RETREG2: variants seen among roughly 807,000 people sequenced by gnomAD.
The protein encoded by RETREG2 is reticulophagy regulator 2.
In RETREG2, 21 loss-of-function variants were observed where a neutral mutation model predicts 51.6. That is an observed-to-expected ratio of 0.41 (90% CI 0.29 to 0.59). The LOEUF (loss-of-function observed/expected upper bound fraction) is 0.59. Among genes scored for constraint, RETREG2 ranks in the 20% least tolerant of loss-of-function variants. The probability of loss-of-function intolerance (pLI) is 0.34; values close to 1 mark genes in which losing one functional copy is unlikely to be tolerated. For synonymous variants in RETREG2, 339 were observed against 288.6 expected, an observed-to-expected ratio of 1.17 and a Z score of -1.77; for missense variants, 674 against 646.0, an observed-to-expected ratio of 1.04 and a Z score of -0.47.
chr2:219,178,480 C>A lies in RETREG2; in HGVS notation c.128C>A (p.Ala43Glu). ...GCCACCAGTGAGGCAGAGGAGGAGG[C>A]GGCCACGGCCGAGGCGGTGGGACGC... The part of the protein sequence containing the change: ...SEATSEAEEE[A>E]ATAEAVGRLA... The change falls in exon 1 of 9, where the codon GCG becomes GAG. Residue 43 changes from alanine to glutamate, a missense_variant. By Grantham distance (107) the Ala-to-Glu change is moderately radical (BLOSUM62 -1). Coordinates refer to ENST00000430297, the MANE Select transcript of RETREG2 (RefSeq NM_024293.6). 1 of 1,132,436 alleles carries A rather than the reference C, an allele frequency of 8.8e-7. No homozygotes were observed. Among genetic ancestry groups the A allele is most frequent in the Non-Finnish European group, 1.2e-6 (1 of 831,058 alleles). The allele number at this position is 1,132,436 out of a possible 1,614,324, so 70.1% of individuals were successfully genotyped here. A position where few individuals can be genotyped will look rare whatever the true frequency, so the allele number is the denominator to read the frequency against.
chr2:219,181,856 C>G (rs571370933), intron 8 of RETREG2, 81 bp downstream of exon 8: 2 of 1,572,904 alleles, frequency 1.3e-6, no homozygotes, highest in Admixed American at 3.6e-5. Context: ...GCTCTCTGGC[C>G]CACTCACTCT....
In RETREG2 at chr2:219,184,525, C is replaced by G. The variant is rs956457559; in HGVS notation, c.*1896C>G. The G allele has an allele frequency of 6.6e-6, 1 of 152,138 alleles. No individual in the cohort carries two copies. The highest frequency in any genetic ancestry group is 6.6e-5 in the Admixed American group (1 of 15,264). The allele number at this position is 152,138 out of a possible 1,614,324, so 9.4% of individuals were successfully genotyped here. A position where few individuals can be genotyped will look rare whatever the true frequency, so the allele number is the denominator to read the frequency against. ...GCTTCACATTTGACTGAGAATCATTCTAGGGTTTGATTGAGCCCCTGTCCT... is the reference window on the plus strand; with the variant it reads ...GCTTCACATTTGACTGAGAATCATTGTAGGGTTTGATTGAGCCCCTGTCCT... On this transcript the variant is annotated 3_prime_UTR_variant, in exon 9 of 9. Transcript: ENST00000430297.
chr2:219,181,452 T>G lies in RETREG2; in HGVS notation c.868T>G (p.Phe290Val). Residue 290 changes from phenylalanine to valine, a missense_variant, in exon 7 of 9, where the codon TTC becomes GTC. Phe to Val is a conservative substitution (Grantham distance 50). Coordinates refer to ENST00000430297, the MANE Select transcript of RETREG2 (RefSeq NM_024293.6). ...ESESEAELAG[F>V]SPVVDVKKTA... ...TGAAAGCGAGGCAGAGCTGGCTGGCTTCTCCCCAGTGGTGAGGTCCAGGGA... is the reference window on the plus strand; with the variant it reads ...TGAAAGCGAGGCAGAGCTGGCTGGCGTCTCCCCAGTGGTGAGGTCCAGGGA... 1 of 1,614,052 alleles carries G rather than the reference T, an allele frequency of 6.2e-7. No individual in the cohort carries two copies. The highest frequency in any genetic ancestry group is 1.3e-5 in the African/African-American group (1 of 75,002).
rs1191868014 is a variant in RETREG2, at chr2:219,183,229, C to G, written c.*600C>G. The G allele has an allele frequency of 6.3e-6, 1 of 157,784 alleles. No individual in the cohort carries two copies. Among genetic ancestry groups the G allele is most frequent in the Admixed American group, 6.0e-5 (1 of 16,668 alleles). The allele number at this position is 157,784 out of a possible 1,614,324, so 9.8% of individuals were successfully genotyped here. On this transcript the variant is annotated 3_prime_UTR_variant, in exon 9 of 9. Transcript: ENST00000430297. The stretch of plus-strand genomic sequence containing the variant: ...AGTGGGTCAGGCCAGTAGTTACACT[C>G]TTAGGTCACTGTAGTCTGTGTAACC...
Position 219,182,285 on chromosome 2 carries a change from G to C in RETREG2, c.1288G>C (p.Val430Leu), listed in dbSNP as rs755254325. The C allele has an allele frequency of 7.4e-6, 12 of 1,614,142 alleles. No homozygotes were observed. The highest frequency in any genetic ancestry group is 1.7e-5 in the Admixed American group (1 of 60,012). The change falls in exon 9 of 9, where the codon GTG becomes CTG. Residue 430 changes from valine to leucine, a missense_variant. Transcript: ENST00000430297. ...DGVKCSPGGP[V>L]ETLSPETVSG... ...AGTGAAATGCTCCCCTGGAGGACCA[G>C]TGGAGACACTGAGCCCCGAGACAGT...
intron 5 of RETREG2, 130 bp from the exon 6 acceptor site, chr2:219,180,932 C>A: frequency 7.1e-7 from 1 of 1,402,296 alleles, no homozygotes; most frequent in Non-Finnish European, 9.9e-7. Context: ...GTGGATGTGG[C>A]AAGAAGAGGT....
Position 219,184,108 on chromosome 2 carries a change from A to G in RETREG2, c.*1479A>G, listed in dbSNP as rs1950318812. The G allele has an allele frequency of 6.6e-6, 1 of 152,248 alleles. No individual in the cohort carries two copies. The highest frequency in any genetic ancestry group is 2.1e-4 in the South Asian group (1 of 4,838). 9.4% of individuals were successfully genotyped at this position (152,248 alleles called of 1,614,324 possible). A position where few individuals can be genotyped will look rare whatever the true frequency, so the allele number is the denominator to read the frequency against. On this transcript the variant is annotated 3_prime_UTR_variant, in exon 9 of 9. Transcript: ENST00000430297. The stretch of plus-strand genomic sequence containing the variant: ...GGCCACAGGTCCCAGTAAATTGTGG[A>G]GCCAGAACCCAAACCCAAGAAGTTT...
rs1211330271 is a variant in RETREG2 at position 219,181,763 on chromosome 2, G to A, written c.1003G>A (p.Asp335Asn). Reference protein sequence around the residue: ...VSRATTPQLTDVSEDLDQQSL... With the variant: ...VSRATTPQLTNVSEDLDQQSL... ...CCGGGCCACAACTCCGCAGCTGACT[G>A]ATGTCTCCGAGGGTATGGGGAGCCC... The change falls in exon 8 of 9, where the codon GAT (aspartate) becomes AAT (asparagine). Residue 335 changes from aspartate (D) to asparagine (N), a missense_variant. Physicochemically the swap from Asp to Asn is conservative, Grantham distance 23 (BLOSUM62 1). Transcript: ENST00000430297. 2 of 1,613,732 alleles carry A rather than the reference G, an allele frequency of 1.2e-6. No homozygotes were observed. Among genetic ancestry groups the A allele is most frequent in the African/African-American group, 2.7e-5 (2 of 74,900 alleles).
rs1219203586 is a variant in RETREG2, at chr2:219,180,665, T to C, written c.556-5T>C. The C allele has an allele frequency of 1.9e-6, 3 of 1,614,056 alleles. No homozygotes were observed. The highest frequency in any genetic ancestry group is 2.7e-5 in the African/African-American group (2 of 74,952). ...ATGTTCTTAGACTTTTGCTCTTCTC[T>C]GCAGTTCTGCGTTCGAGTCTGCTCT... On this transcript the variant is annotated splice_region_variant and splice_polypyrimidine_tract_variant and intron_variant, in intron 4 of 8. Coordinates refer to ENST00000430297, the MANE Select transcript of RETREG2 (RefSeq NM_024293.6).
chr2:219,178,438 G>T lies in RETREG2; in HGVS notation c.86G>T (p.Ser29Ile), dbSNP rs1008376522. Residue 29 changes from serine to isoleucine, a missense_variant, in exon 1 of 9, where the codon AGC (serine) becomes ATC (isoleucine). Ser to Ile is a moderately radical substitution (Grantham distance 142, BLOSUM62 -2). Coordinates refer to ENST00000430297, the MANE Select transcript of RETREG2 (RefSeq NM_024293.6). The part of the protein sequence containing the change: ...GLSLGLGLGL[S>I]LGMSEATSEA... ...AGCCTGGGCCTGGGTCTGGGTCTGA[G>T]CCTAGGCATGAGTGAGGCCACCAGT... The T allele has an allele frequency of 1.4e-6, 1 of 722,120 alleles. No homozygotes were observed. The highest frequency in any genetic ancestry group is 3.3e-5 in the East Asian group (1 of 30,502). The allele number at this position is 722,120 out of a possible 1,614,324, so 44.7% of individuals were successfully genotyped here. A position where few individuals can be genotyped will look rare whatever the true frequency, so the allele number is the denominator to read the frequency against.
Position 219,178,579 on chromosome 2 carries a change from G to A in RETREG2, c.227G>A (p.Trp76Ter). ...VLAAAQRLLVWEKPLHSLVTA... is the reference protein window; with the variant it reads ...VLAAAQRLLV ...GCGGCGGCGCAGCGGTTGCTGGTGT[G>A]GGAGAAGCCGCTGCACAGCCTGGTC... is the stretch of plus-strand genomic sequence containing the variant. Residue 76 changes from tryptophan to a stop codon, truncating the protein, a stop_gained, in exon 1 of 9, where the codon TGG (tryptophan) becomes TAG (stop). Transcript: ENST00000430297. LOFTEE classifies it high-confidence loss of function. The A allele has an allele frequency of 6.8e-7, 1 of 1,465,124 alleles. No individual in the cohort carries two copies. Among genetic ancestry groups the A allele is most frequent in the Non-Finnish European group, 9.0e-7 (1 of 1,116,324 alleles). 90.8% of individuals were successfully genotyped at this position (1,465,124 alleles called of 1,614,324 possible). A position where few individuals can be genotyped will look rare whatever the true frequency, so the allele number is the denominator to read the frequency against.
chr2:219,182,048 G>C lies in RETREG2; in HGVS notation c.1051G>C (p.Glu351Gln), dbSNP rs778357579. 1 of 1,614,112 alleles carries C rather than the reference G, an allele frequency of 6.2e-7. No individual in the cohort carries two copies. Among genetic ancestry groups the C allele is most frequent in the Admixed American group, 1.7e-5 (1 of 60,014 alleles). Residue 351 changes from glutamate (E) to glutamine (Q), a missense_variant, in exon 9 of 9, where the codon GAG (glutamate) becomes CAG (glutamine). By Grantham distance (29) the Glu-to-Gln change is conservative (BLOSUM62 2). Transcript: ENST00000430297. ...DQQSLPSEPE[E>Q]TLSRDLGEGE... ...GCAGAGCCTGCCAAGTGAACCAGAG[G>C]AGACCCTAAGCCGGGACCTAGGGGA... is the stretch of plus-strand genomic sequence containing the variant.
Position 219,181,503 on chromosome 2 carries a change from A to G in RETREG2, c.879+40A>G, listed in dbSNP as rs201529338. On this transcript the variant is annotated intron_variant, in intron 7 of 8. Coordinates refer to ENST00000430297, the MANE Select transcript of RETREG2 (RefSeq NM_024293.6). ...AAGCGGGGGTGTCAAATAGAAAGCC[A>G]GAGGAAAAATCTTTCTGCTTTGGAG... is the stretch of plus-strand genomic sequence containing the variant. 3.1e-6 allele frequency: 5 copies of G among 1,610,300 alleles called. No individual in the cohort carries two copies. In the African/African-American group the frequency reaches 4.0e-5, roughly 13 times the overall value.
intron 3 of RETREG2, 76 bp from the exon 4 acceptor site, chr2:219,180,034 T>C: frequency 6.4e-7 from 1 of 1,565,558 alleles, no homozygotes; most frequent in Non-Finnish European, 8.7e-7. Context: ...AAGATATCTT[T>C]GGCATTCTCA....
rs764720178 is a variant in RETREG2 at position 219,182,111 on chromosome 2, C to G, written c.1114C>G (p.Leu372Val). 6.2e-7 allele frequency: 1 copy of G among 1,614,148 alleles called. No homozygotes were observed. The highest frequency in any genetic ancestry group is 1.7e-5 in the Admixed American group (1 of 60,018). The change falls in exon 9 of 9, where the codon CTA (leucine) becomes GTA (valine). Residue 372 changes from leucine (L) to valine (V), a missense_variant. Coordinates refer to ENST00000430297, the MANE Select transcript of RETREG2 (RefSeq NM_024293.6). Reference sequence around the variant, plus strand: ...AGAGCTGGCCCCTCCCGAAGACCTACTAGGCCGTCCTCAAGCTCTGTCAAG... The same window carrying G: ...AGAGCTGGCCCCTCCCGAAGACCTAGTAGGCCGTCCTCAAGCTCTGTCAAG... ...EGELAPPEDL[L>V]GRPQALSRQA...
At chr2:219,178,736 C>A in intron 1 of RETREG2, 103 bp downstream of exon 1, 2 of 1,312,852 alleles carry the variant, frequency 1.5e-6, no homozygotes, top group Non-Finnish European at 1.0e-6. Context: ...GGGGGCATGA[C>A]CCATCCCCAG....
intron 1 of RETREG2, 144 bp from the exon 2 acceptor site, chr2:219,178,778 C>A: frequency 8.6e-7 from 1 of 1,169,472 alleles, no homozygotes; most frequent in East Asian, 2.5e-5. Context: ...TTGAATTGCC[C>A]ATTTTTTTCT....
chr2:219,178,535 C>T lies in RETREG2; in HGVS notation c.183C>T (p.Arg61=), dbSNP rs1014902936. Residue 61 remains arginine, a synonymous_variant, in exon 1 of 9, where the codon CGC becomes CGT. Transcript: ENST00000430297. ...CCACGACGCTGTGGCTGCGGCTCCG[C>T]GGCTGGGAGGCGGTGCTGGCGGCGG... The part of the protein sequence containing the change: ...RLATTLWLRL[R]GWEAVLAAAQ... 3 of 1,434,286 alleles carry T rather than the reference C, an allele frequency of 2.1e-6. No homozygotes were observed. The highest frequency in any genetic ancestry group is 2.9e-5 in the Admixed American group (1 of 34,682). 88.8% of individuals were successfully genotyped at this position (1,434,286 alleles called of 1,614,324 possible).
At position 219,181,815 on chromosome 2, in the gene RETREG2, C is replaced by T. The variant is rs747372307; in HGVS notation, c.1015+40C>T. ...TTGCTGCCCTGCTCCCCGCCACAAT[C>T]TTTGTGTTCCCTACCATGGGTACTT... On this transcript the variant is annotated intron_variant, in intron 8 of 8. Transcript: ENST00000430297. The T allele has an allele frequency of 4.4e-6, 7 of 1,604,952 alleles. 1 individual carries two copies. In the East Asian group the frequency reaches 1.3e-4, roughly 31 times the overall value.
Sources: allele counts gnomAD v4.1 joint callset, GRCh38; gene constraint gnomAD v4.1.1; transcripts MANE v1.5; gene names NCBI Gene and HGNC (gene_info 2026-07-23, HGNC 2026-07-21).